The following SLC38A12 variants were observed in gnomAD, a reference collection of about 807,000 sequenced individuals.
SLC38A12 encodes the protein solute carrier family 38 member 12.
chr17:74,798,449 A>C, the SLC38A12 span, among the ~76,000 whole-genome samples: 26 of 152,136 alleles, frequency 1.7e-4, no homozygotes, highest in Non-Finnish European at 3.5e-4. Context: ...CTTGACCTTC[A>C]CCAGTGGAAA....
At chr17:74,814,125 T>G in the SLC38A12 span, among the ~76,000 whole-genome samples, 1 of 152,174 alleles carries the variant, frequency 6.6e-6, no homozygotes, top group Non-Finnish European at 1.5e-5. Context: ...GAAGATGTCT[T>G]CTAAGACACC....
the SLC38A12 span, among the ~76,000 whole-genome samples, chr17:74,794,121 C>G: frequency 6.6e-6 from 1 of 152,340 alleles, no homozygotes; most frequent in South Asian, 2.1e-4. Flanking sequence ...TAGGGCCCTG[C>G]CACTCTTTTC....
the SLC38A12 span, among the ~76,000 whole-genome samples, chr17:74,814,643 C>G: frequency 3.9e-5 from 6 of 152,218 alleles, no homozygotes; most frequent in Admixed American, 2.0e-4. Context: ...AAGTCAGGCA[C>G]TGCCCCCCGC....
At chr17:74,779,079 C>G in the SLC38A12 span, among the ~76,000 whole-genome samples, 1 of 152,176 alleles carries the variant, frequency 6.6e-6, no homozygotes, top group Non-Finnish European at 1.5e-5. Context: ...AATCTCTATG[C>G]TGTCTATTAA....
chr17:74,782,990 G>A, the SLC38A12 span, among the ~76,000 whole-genome samples: 28 of 152,270 alleles, frequency 1.8e-4, no homozygotes, highest in African/African-American at 6.3e-4. Context: ...ATTAAGCCAG[G>A]CATGATGGTG....
chr17:74,819,927 C>T, the SLC38A12 span: 15 of 1,255,520 alleles, frequency 1.2e-5, no homozygotes, highest in African/African-American at 2.1e-4. Context: ...TGCAGGGCCC[C>T]CAGCCGTAGC....
At chr17:74,823,050 C>G in the SLC38A12 span, among the ~76,000 whole-genome samples, 4 of 152,236 alleles carry the variant, frequency 2.6e-5, no homozygotes, top group Non-Finnish European at 5.9e-5. Context: ...GCCAAGTTGT[C>G]AGTTCGCCAC....
At chr17:74,790,293 G>C in the SLC38A12 span, 1 of 1,614,014 alleles carries the variant, frequency 6.2e-7, no homozygotes, top group Non-Finnish European at 8.5e-7. Context: ...CATCCTGTCT[G>C]TGCGTAAGTC....
At chr17:74,801,297 C>T in the SLC38A12 span, among the ~76,000 whole-genome samples, 1 of 152,222 alleles carries the variant, frequency 6.6e-6, no homozygotes, top group African/African-American at 2.4e-5. Context: ...GAGAGATGTC[C>T]GTCACACCTG....
chr17:74,780,748 G>A, the SLC38A12 span, among the ~76,000 whole-genome samples: 2 of 152,176 alleles, frequency 1.3e-5, no homozygotes. Flanking sequence ...GAAGTCCTAC[G>A]TTACCCTGCA....
At chr17:74,790,985 A>G in the SLC38A12 span, 2 of 1,614,004 alleles carry the variant, frequency 1.2e-6, no homozygotes, top group South Asian at 1.1e-5. Context: ...CCCGTTTGAA[A>G]TCACAGACCG....
At chr17:74,810,774 C>T in the SLC38A12 span, among the ~76,000 whole-genome samples, 4 of 152,186 alleles carry the variant, frequency 2.6e-5, no homozygotes, top group Non-Finnish European at 5.9e-5. Context: ...TGCAATCATC[C>T]GCAGAATTCG....
the SLC38A12 span, among the ~76,000 whole-genome samples, chr17:74,788,436 C>T: frequency 1.3e-5 from 2 of 152,188 alleles, no homozygotes; most frequent in South Asian, 4.1e-4. Context: ...CCAGCCTCCC[C>T]TCACTGAGAG....
At chr17:74,809,521 G>A in the SLC38A12 span, among the ~76,000 whole-genome samples, 1 of 152,184 alleles carries the variant, frequency 6.6e-6, no homozygotes, top group East Asian at 1.9e-4. Flanking sequence ...CTCGTCCCAT[G>A]CAGCCTGCGT....
At chr17:74,806,677 A>G in the SLC38A12 span, among the ~76,000 whole-genome samples, 1 of 152,140 alleles carries the variant, frequency 6.6e-6, no homozygotes, top group Non-Finnish European at 1.5e-5. Flanking sequence ...CTGCCCTAGA[A>G]AGTGGGCATT....
chr17:74,794,908 A>C, the SLC38A12 span: 1 of 918,944 alleles, frequency 1.1e-6, no homozygotes, highest in South Asian at 1.5e-5. Context: ...AGAGAACTGA[A>C]AGCTATGGGA....
the SLC38A12 span, among the ~76,000 whole-genome samples, chr17:74,818,592 G>A: frequency 5.3e-5 from 8 of 152,154 alleles, no homozygotes; most frequent in South Asian, 2.1e-4. Context: ...GGGGCTGGCC[G>A]AGGGCTGAGC....
At chr17:74,836,786 G>T in the SLC38A12 span, 1 of 1,482,758 alleles carries the variant, frequency 6.7e-7, no homozygotes, top group South Asian at 1.4e-5. The surrounding 1 kb of genome is among the most constrained non-coding windows in gnomAD (Gnocchi z 4.2). Flanking sequence ...TCTTCATGGG[G>T]CAGGTGGGAC....
At chr17:74,837,085 C>G in the SLC38A12 span, 23 of 1,004,922 alleles carry the variant, frequency 2.3e-5, no homozygotes, top group Non-Finnish European at 2.6e-5. Flanking sequence ...TGCCCCTCCC[C>G]TCTCCTGCCC....
Sources: gnomAD v4.1 joint callset for allele counts (sites outside exome capture counted in the v4.1 genomes callset) on GRCh38, gnomAD v4.1.1 for gene constraint, Gnocchi (gnomAD v3.1) non-coding constraint, MANE v1.5 for transcripts, NCBI Gene and HGNC (gene_info 2026-07-23, HGNC 2026-07-21) for gene names.